Variants in UBR4 observed in about 807,000 individuals in gnomAD.
UBR4 encodes the protein E3 ubiquitin-protein ligase UBR4.
Under a neutral mutation model 575.6 loss-of-function variants are expected in UBR4, and 124 were observed. The observed-to-expected ratio is 0.22, with a 90% CI of 0.19 to 0.25. The LOEUF is 0.25. UBR4 is among the 10% of genes least tolerant of loss of function. UBR4 has a pLI of 1.00. For missense variants in UBR4, 4,818 were observed against 6,478.8 expected (o/e 0.74, Z 8.80); for synonymous variants, 2,455 against 2,473.7 (o/e 0.99, Z 0.22).
chr1:19,114,102 G>A (rs754143522), intron 75 of UBR4, 32 bp from the exon 76 acceptor site: 42 of 1,596,662 alleles, frequency 2.6e-5, no homozygotes, highest in Non-Finnish European at 3.3e-5. Flanking sequence ...CTGAGTGAAG[G>A]CTTTTTGGCT....
In UBR4 at chr1:19,115,768, C is replaced by G. The variant is rs1176775706; in HGVS notation, c.10824-131G>C. The G allele has an allele frequency of 9.2e-6, 13 of 1,409,492 alleles. No homozygotes were observed. In the East Asian group the frequency reaches 3.0e-4, roughly 33 times the overall value. 87.3% of individuals were successfully genotyped at this position (1,409,492 alleles called of 1,614,324 possible). ...AGTGGTTACTCTAAGGAAAAGAAAT[C>G]TGGCATATAATAGGAAGCCAGTTTT... On this transcript the variant is annotated intron_variant, in intron 73 of 105. Coordinates refer to ENST00000375254, the MANE Select transcript of UBR4 (RefSeq NM_020765.3).
At chr1:19,097,095 G>C in intron 91 of UBR4, 98 bp downstream of exon 91, 2 of 961,056 alleles carry the variant, frequency 2.1e-6, no homozygotes, top group Non-Finnish European at 3.0e-6. Flanking sequence ...TGATGCAGAG[G>C]TACAAGAGAG....
intron 43 of UBR4, 33 bp from the exon 44 acceptor site, chr1:19,155,108 T>A: frequency 6.2e-7 from 1 of 1,610,262 alleles, no homozygotes; most frequent in Non-Finnish European, 8.5e-7. Flanking sequence ...TTGCAGTAAT[T>A]CATGTTGCCT....
rs775344271 is a variant in UBR4 at position 19,147,581 on chromosome 1, A to G, written c.7629+412T>C. Among the ~76,000 whole-genome samples the G allele has an allele frequency of 5.5e-4, 83 of 152,194 alleles. 1 individual carries two copies. Among genetic ancestry groups the G allele is most frequent in the Non-Finnish European group, 1.3e-4 (9 of 68,032 alleles). ...CAGATGTTCCCATCAGAGGCACTCC[A>G]AGAACTATTCAACACTTGTCTCACC... On this transcript the variant is annotated intron_variant, in intron 51 of 105. Coordinates refer to ENST00000375254, the MANE Select transcript of UBR4 (RefSeq NM_020765.3).
chr1:19,118,579 C>T (rs556397552), intron 71 of UBR4: 3 of 324,680 alleles, frequency 9.2e-6, no homozygotes, highest in South Asian at 9.8e-5. Flanking sequence ...CGCCACCACG[C>T]CTGGCTAACT....
At chr1:19,192,722 T>C (rs1316411516) in intron 9 of UBR4, among the ~76,000 whole-genome samples, 182 bp from the exon 10 acceptor site, 1 of 152,130 alleles carries the variant, frequency 6.6e-6, no homozygotes, top group African/African-American at 2.4e-5. Flanking sequence ...GGATCAAATG[T>C]CACCTTCTCA....
At chr1:19,208,338 GCACCTGTAGTCCCAGCTACT>G (rs1433507493) in intron 1 of UBR4, among the ~76,000 whole-genome samples, 1 of 151,948 alleles carries the variant, frequency 6.6e-6, no homozygotes, top group Non-Finnish European at 1.5e-5. Flanking sequence ...GTGGTGGCAG[GCACCTGTAGTCCCAGCTACT>G]TGGGAGGCTG....
intron 99 of UBR4, among the ~76,000 whole-genome samples, chr1:19,087,432 C>G (rs12075030): frequency 0.61 from 92,417 of 152,178 alleles, 28,398 homozygotes; most frequent in East Asian, 0.73. Context: ...TTTTTAAAAG[C>G]CCAGGTCTGG....
chr1:19,143,259 GAAGAAAGAAAGAAAGAAAGAAAGAAAGA>G (rs200550539), intron 55 of UBR4, among the ~76,000 whole-genome samples: 397 of 91,620 alleles, frequency 4.3e-3, no homozygotes, highest in South Asian at 7.4e-3. Flanking sequence ...AGGAAGGAAG[GAAGAAAGAAAGAAAGAAAGAAAGAAAGA>G]AAGAAAGAAA....
Position 19,075,226 on chromosome 1 carries a change from G to A in UBR4, c.15488-330C>T, listed in dbSNP as rs1252689725. 8 of 337,198 alleles carry A rather than the reference G, an allele frequency of 2.4e-5. No homozygotes were observed. The East Asian group carries it at 3.1e-4, about 13-fold the overall frequency. The allele number at this position is 337,198 out of a possible 1,614,324, so 20.9% of individuals were successfully genotyped here. On this transcript the variant is annotated intron_variant, in intron 105 of 105. Transcript: ENST00000375254. ...AACCTGACCTAGGAGTGGAAGGCACGGAGGCTCGCTGCCTGGCAAAGGCTC... is the reference window on the plus strand; with the variant it reads ...AACCTGACCTAGGAGTGGAAGGCACAGAGGCTCGCTGCCTGGCAAAGGCTC...
intron 27 of UBR4, 100 bp from the exon 28 acceptor site, chr1:19,168,284 G>A (rs893667288): frequency 4.1e-5 from 49 of 1,204,668 alleles, no homozygotes; most frequent in African/African-American, 7.7e-5. Context: ...CCCCACTGAC[G>A]TTTGTAAACA....
In UBR4 at chr1:19,153,349, C is replaced by T; in HGVS notation, c.6784G>A (p.Val2262Ile). The change falls in exon 46 of 106, where the codon GTC (valine) becomes ATC (isoleucine). Residue 2262 changes from valine to isoleucine, a missense_variant. By Grantham distance (29) the Val-to-Ile change is conservative. This residue lies in a region of UBR4 where 461 missense variants were observed against 606.9 expected (regional missense o/e 0.76). Coordinates refer to ENST00000375254, the MANE Select transcript of UBR4 (RefSeq NM_020765.3). The surrounding 1 kb of genome is among the most constrained non-coding windows in gnomAD (Gnocchi z 4.1). ...CGAACAGGCTTCATGATGCTGATGACACTGCTGGGCTGCAGGGATGGCTGC... is the reference window on the plus strand; with the variant it reads ...CGAACAGGCTTCATGATGCTGATGATACTGCTGGGCTGCAGGGATGGCTGC... ...WLQPSLQPSS[V>I]ISIMKPVRKR... 2 of 1,614,182 alleles carry T rather than the reference C, an allele frequency of 1.2e-6. No homozygotes were observed. Among genetic ancestry groups the T allele is most frequent in the Non-Finnish European group, 1.7e-6 (2 of 1,180,020 alleles).
chr1:19,150,622 C>A lies in UBR4; in HGVS notation c.7385G>T (p.Ser2462Ile), dbSNP rs1557798927. 1 of 1,613,798 alleles carries A rather than the reference C, an allele frequency of 6.2e-7. No individual in the cohort carries two copies. The highest frequency in any genetic ancestry group is 1.7e-5 in the Admixed American group (1 of 60,002). The change falls in exon 49 of 106, where the codon AGC becomes ATC. Residue 2462 changes from serine (S) to isoleucine (I), a missense_variant. Physicochemically the swap from Ser to Ile is moderately radical, Grantham distance 142. Transcript: ENST00000375254. ...GGTCGTAGTGGGGGCAGCTGAGTCG[C>A]TATCTCCAGTGCCGTTGCTCTGGTT... ...NLNQSNGTGD[S>I]DSAAPTTTSG...
At chr1:19,182,511 AGTAATTCTATAT>A (rs1345103738) in intron 17 of UBR4, among the ~76,000 whole-genome samples, 1 of 152,074 alleles carries the variant, frequency 6.6e-6, no homozygotes, top group African/African-American at 2.4e-5. Flanking sequence ...GCCACCATAT[AGTAATTCTATAT>A]GTAATTTTTG....
chr1:19,156,820 T>C lies in UBR4; in HGVS notation c.5866A>G (p.Ser1956Gly). The part of the protein sequence containing the change: ...ASAPVPFTVL[S>G]LTGNPCKEDY... Reference sequence around the variant, plus strand: ...TCCTTGCAGGGATTTCCTGTGAGGCTCAACACAGTAAAAGGAACTGGGGCA... The same window carrying C: ...TCCTTGCAGGGATTTCCTGTGAGGCCCAACACAGTAAAAGGAACTGGGGCA... Residue 1956 changes from serine to glycine, a missense_variant, in exon 41 of 106, where the codon AGC (serine) becomes GGC (glycine). Transcript: ENST00000375254. 2 of 1,614,178 alleles carry C rather than the reference T, an allele frequency of 1.2e-6. No homozygotes were observed. Among genetic ancestry groups the C allele is most frequent in the Non-Finnish European group, 1.7e-6 (2 of 1,180,008 alleles).
At chr1:19,173,385 G>A (rs2089851695) in intron 23 of UBR4, 54 bp downstream of exon 23, 1 of 1,612,174 alleles carries the variant, frequency 6.2e-7, no homozygotes, top group Non-Finnish European at 8.5e-7. Context: ...AAAAGCTCCA[G>A]TAAGCACAAA....
intron 104 of UBR4, chr1:19,077,729 G>A (rs186925680): frequency 1.1e-4 from 148 of 1,406,786 alleles, no homozygotes; most frequent in African/African-American, 7.2e-5. Context: ...ACAAAACTCC[G>A]TCTCAAAAAA....
In UBR4 at chr1:19,141,702, A is replaced by T. The variant is rs1286665298; in HGVS notation, c.8255T>A (p.Ile2752Asn). 2 of 1,614,206 alleles carry T rather than the reference A, an allele frequency of 1.2e-6. No individual in the cohort carries two copies. Among genetic ancestry groups the T allele is most frequent in the Admixed American group, 3.3e-5 (2 of 60,024 alleles). The change falls in exon 56 of 106, where the codon ATC (isoleucine) becomes AAC (asparagine). Residue 2752 changes from isoleucine to asparagine, a missense_variant. This residue lies in a region of UBR4 where 129 missense variants were observed against 198.4 expected (regional missense o/e 0.65). Coordinates refer to ENST00000375254, the MANE Select transcript of UBR4 (RefSeq NM_020765.3). ...ACTCTGTTCCTGGCTTTCCTGACGG[A>T]TGTGACCACCATTCGGGATCCCTGA... Reference protein sequence around the residue: ...QSSGIPNGGHIRQESQEQSEV... With the variant: ...QSSGIPNGGHNRQESQEQSEV...
chr1:19,151,672 A>T lies in UBR4; in HGVS notation c.7184T>A (p.Leu2395Gln), dbSNP rs1438825641. 1 of 1,614,190 alleles carries T rather than the reference A, an allele frequency of 6.2e-7. No individual in the cohort carries two copies. Among genetic ancestry groups the T allele is most frequent in the South Asian group, 1.1e-5 (1 of 91,078 alleles). Residue 2395 changes from leucine to glutamine, a missense_variant, in exon 48 of 106, where the codon CTG (leucine) becomes CAG (glutamine). By Grantham distance (113) the Leu-to-Gln change is moderately radical. This residue lies in a region of UBR4 where 340 missense variants were observed against 375.4 expected (regional missense o/e 0.91). Coordinates refer to ENST00000375254, the MANE Select transcript of UBR4 (RefSeq NM_020765.3). ...FDFPFTREEA[L>Q]QADKKLNLFI... ...GAGGTTCAGCTTCTTATCAGCCTGC[A>T]GGGCTTCTTCTCTGGTGAAGGGGAA...
Sources: allele counts gnomAD v4.1 joint callset (sites outside exome capture counted in the v4.1 genomes callset), GRCh38; gene constraint gnomAD v4.1.1; regional missense constraint gnomAD v4.1.1; non-coding constraint Gnocchi (gnomAD v3.1); transcripts MANE v1.5; gene names NCBI Gene and HGNC (gene_info 2026-07-23, HGNC 2026-07-21).